UBE2E2: variants seen among roughly 807,000 people sequenced by gnomAD.
UBE2E2 encodes ubiquitin-conjugating enzyme E2 E2.
UBE2E2 carries 6 observed loss-of-function variants against 24.7 expected under a neutral mutation model. That is an observed-to-expected ratio of 0.24 (90% CI 0.13 to 0.48). UBE2E2 has a LOEUF of 0.48. Among genes scored for constraint, UBE2E2 ranks in the 20% least tolerant of loss-of-function variants. The pLI is 0.99. For missense variants in UBE2E2, 169 were observed against 245.0 expected (o/e 0.69, Z 2.07); for synonymous variants, 104 against 83.6 (o/e 1.24, Z -1.33).
intron 3 of UBE2E2, among the ~76,000 whole-genome samples, chr3:23,249,804 C>T (rs573929534): frequency 3.9e-5 from 6 of 151,970 alleles, no homozygotes; most frequent in Non-Finnish European, 8.8e-5. Flanking sequence ...TACAGGCACC[C>T]GCCACCACAC....
At chr3:23,237,690 T>C (rs1468100359) in intron 3 of UBE2E2, among the ~76,000 whole-genome samples, 2 of 152,188 alleles carry the variant, frequency 1.3e-5, no homozygotes, top group Non-Finnish European at 2.9e-5. Flanking sequence ...TTAATTATAC[T>C]TAGTATGAGG....
intron 3 of UBE2E2, among the ~76,000 whole-genome samples, chr3:23,256,761 A>G (rs1203339914): frequency 6.6e-6 from 1 of 152,170 alleles, no homozygotes; most frequent in Non-Finnish European, 1.5e-5. Context: ...TGGGAGCTTT[A>G]TCTACTTATC....
intron 3 of UBE2E2, among the ~76,000 whole-genome samples, chr3:23,396,459 C>T (rs1697080970): frequency 6.6e-6 from 1 of 151,474 alleles, no homozygotes; most frequent in Non-Finnish European, 1.5e-5. Context: ...TATACACATA[C>T]ATACATATAC....
intron 3 of UBE2E2, among the ~76,000 whole-genome samples, chr3:23,346,922 G>C (rs1423402835): frequency 6.6e-6 from 1 of 152,172 alleles, no homozygotes. Context: ...TAGTATTACA[G>C]TATGAAAGAT....
At chr3:23,330,507 GTC>G (rs1483085922) in intron 3 of UBE2E2, among the ~76,000 whole-genome samples, 1 of 152,134 alleles carries the variant, frequency 6.6e-6, no homozygotes, top group Non-Finnish European at 1.5e-5. Flanking sequence ...GAATCCTGTG[GTC>G]CACATTATAT....
chr3:23,434,597 A>G (rs1575626654), intron 3 of UBE2E2, among the ~76,000 whole-genome samples: 2 of 152,154 alleles, frequency 1.3e-5, no homozygotes, highest in Admixed American at 1.3e-4. Flanking sequence ...ATTAGACTAT[A>G]TATTTTATAA....
chr3:23,575,524 G>T (rs1468116930), intron 5 of UBE2E2, among the ~76,000 whole-genome samples: 3 of 151,942 alleles, frequency 2.0e-5, no homozygotes, highest in African/African-American at 7.2e-5. Context: ...ACTCACAGAA[G>T]AAATACAAAT....
chr3:23,467,102 G>A lies in UBE2E2; in HGVS notation c.228-32506G>A, dbSNP rs113398592. Among the ~76,000 whole-genome samples the A allele has an allele frequency of 4.6e-3, 693 of 152,196 alleles. 6 individuals are homozygous for A. The highest frequency in any genetic ancestry group is 0.016 in the African/African-American group (663 of 41,530). On this transcript the variant is annotated intron_variant, in intron 3 of 5. Coordinates refer to ENST00000396703, the MANE Select transcript of UBE2E2 (RefSeq NM_152653.4). Reference sequence around the variant, plus strand: ...AGGTATTTATTTAGGAAGTAAAGTTGGCAACAAGGAATATGTAAACCTCTC... The same window carrying A: ...AGGTATTTATTTAGGAAGTAAAGTTAGCAACAAGGAATATGTAAACCTCTC...
chr3:23,322,301 G>A (rs1034804001), intron 3 of UBE2E2, among the ~76,000 whole-genome samples: 1 of 152,108 alleles, frequency 6.6e-6, no homozygotes, highest in African/African-American at 2.4e-5. Flanking sequence ...GAAAGGGTCG[G>A]TAGGATACCT....
intron 3 of UBE2E2, among the ~76,000 whole-genome samples, chr3:23,357,534 A>G (rs1471719583): frequency 6.6e-6 from 1 of 152,106 alleles, no homozygotes; most frequent in East Asian, 1.9e-4. Context: ...AAATAATCCT[A>G]CTGTCTTAAA....
chr3:23,356,121 A>C (rs1331528276), intron 3 of UBE2E2, among the ~76,000 whole-genome samples: 1 of 152,198 alleles, frequency 6.6e-6, no homozygotes, highest in Non-Finnish European at 1.5e-5. Flanking sequence ...GTTAAACCTA[A>C]ACTGCTACTG....
intron 3 of UBE2E2, among the ~76,000 whole-genome samples, chr3:23,284,679 A>G (rs1224808621): frequency 6.6e-6 from 1 of 151,788 alleles, no homozygotes; most frequent in Non-Finnish European, 1.5e-5. Context: ...TCATTCATAA[A>G]TTTTGTTTTG....
chr3:23,526,414 A>G (rs1418530042), intron 4 of UBE2E2, among the ~76,000 whole-genome samples: 1 of 152,198 alleles, frequency 6.6e-6, no homozygotes, highest in Non-Finnish European at 1.5e-5. Context: ...CTAAAAAACA[A>G]TAAGAGGTTA....
intron 3 of UBE2E2, among the ~76,000 whole-genome samples, chr3:23,254,595 T>A (rs1339235025): frequency 1.3e-5 from 2 of 152,240 alleles, no homozygotes; most frequent in Non-Finnish European, 2.9e-5. Flanking sequence ...AAGGTATATC[T>A]GGCTTCATTG....
intron 5 of UBE2E2, 27 bp downstream of exon 5, chr3:23,532,728 T>C (rs1559413571): frequency 1.3e-6 from 2 of 1,485,216 alleles, no homozygotes; most frequent in Non-Finnish European, 1.8e-6. Context: ...CTAGTATGAA[T>C]TGGAGCTTGT....
chr3:23,491,427 C>G (rs1055907177), intron 3 of UBE2E2, among the ~76,000 whole-genome samples: 2 of 152,150 alleles, frequency 1.3e-5, no homozygotes, highest in Non-Finnish European at 2.9e-5. Flanking sequence ...CAGAATGTTA[C>G]CACTTCCAAA....
chr3:23,540,498 G>A (rs1695370589), intron 5 of UBE2E2, among the ~76,000 whole-genome samples: 1 of 152,102 alleles, frequency 6.6e-6, no homozygotes, highest in South Asian at 2.1e-4. Context: ...TCCACTTGCT[G>A]GGTTCAAGCA....
Position 23,391,550 on chromosome 3 carries a change from A to G in UBE2E2, c.228-108058A>G, listed in dbSNP as rs569984674. 5.9e-5 allele frequency among the ~76,000 whole-genome samples: 9 copies of G among 152,314 alleles called. No homozygotes were observed. The East Asian group carries it at 1.7e-3, about 29-fold the overall frequency. On this transcript the variant is annotated intron_variant, in intron 3 of 5. Transcript: ENST00000396703. ...TAATGAAGTGTTTGCACTATTATGC[A>G]TTTGGATTTTTAGTTGACTCATTAA...
chr3:23,330,795 C>T (rs1324585120), intron 3 of UBE2E2, among the ~76,000 whole-genome samples: 1 of 152,172 alleles, frequency 6.6e-6, no homozygotes, highest in Non-Finnish European at 1.5e-5. Context: ...GCTCAGAAAA[C>T]ACATTTGAGG....
Sources: gnomAD v4.1 joint callset for allele counts (sites outside exome capture counted in the v4.1 genomes callset) on GRCh38, gnomAD v4.1.1 for gene constraint, MANE v1.5 for transcripts, NCBI Gene and HGNC (gene_info 2026-07-23, HGNC 2026-07-21) for gene names.